COMMD1: variants seen among roughly 807,000 people sequenced by gnomAD.
COMMD1 encodes copper metabolism domain containing 1.
COMMD1 carries 10 observed loss-of-function variants against 17.2 expected under a neutral mutation model. The observed-to-expected ratio is 0.58, with a 90% CI of 0.36 to 0.99. COMMD1 has a LOEUF of 0.99. Ranked by LOEUF, COMMD1 falls within the 50% of genes least tolerant of loss-of-function variation. COMMD1 has a pLI of 0.01. For missense variants in COMMD1, 270 were observed against 231.8 expected (o/e 1.17, Z -1.07); for synonymous variants, 97 against 91.6 (o/e 1.06, Z -0.34).
At chr2:62,023,886 T>A (rs371751416) in intron 2 of COMMD1, among the ~76,000 whole-genome samples, 1 of 152,174 alleles carries the variant, frequency 6.6e-6, no homozygotes. Flanking sequence ...AATGGTTATA[T>A]CTACTCTATG....
chr2:61,915,767 A>G, intron 1 of COMMD1: 1 of 446,458 alleles, frequency 2.2e-6, no homozygotes, highest in Non-Finnish European at 4.5e-6. Context: ...AATTGCTGGG[A>G]TTACAGGTAT....
chr2:62,088,206 GC>G lies in COMMD1; in HGVS notation c.463-47623del, dbSNP rs1296059031. ...TACTTGTCTTATAAATATACTTCCAGCCTTAGCTTTCTTCTTTTTTCTCTGG... is the reference window on the plus strand; with the variant it reads ...TACTTGTCTTATAAATATACTTCCAGCTTAGCTTTCTTCTTTTTTCTCTGG... On this transcript the variant is annotated intron_variant, in intron 2 of 2. Coordinates refer to ENST00000311832, the MANE Select transcript of COMMD1 (RefSeq NM_152516.4). 2.6e-5 allele frequency among the ~76,000 whole-genome samples: 4 copies of G among 151,958 alleles called. No individual in the cohort carries two copies. In the South Asian group the frequency reaches 8.3e-4, roughly 32 times the overall value.
intron 2 of COMMD1, among the ~76,000 whole-genome samples, chr2:62,051,261 A>G (rs1670525456): frequency 6.6e-6 from 1 of 152,140 alleles, no homozygotes; most frequent in Admixed American, 6.5e-5. Flanking sequence ...AGGGGTTACT[A>G]TTATTATTTT....
At chr2:61,903,778 G>A (rs190256177), upstream of COMMD1, among the ~76,000 whole-genome samples, 50 of 152,078 alleles carry the variant, frequency 3.3e-4, no homozygotes, top group African/African-American at 9.6e-4. Flanking sequence ...CTGACCTCAG[G>A]TGATCCACCC....
chr2:62,038,766 C>G (rs1670107960), intron 2 of COMMD1, among the ~76,000 whole-genome samples: 5 of 152,106 alleles, frequency 3.3e-5, no homozygotes, highest in African/African-American at 2.4e-5. Flanking sequence ...CCAGGCTGAT[C>G]TTGAACTCCT....
intron 2 of COMMD1, among the ~76,000 whole-genome samples, chr2:62,097,788 C>T (rs760630725): frequency 3.9e-5 from 6 of 152,080 alleles, no homozygotes; most frequent in African/African-American, 1.2e-4. Flanking sequence ...GGATGAGGAC[C>T]GACAGTATAG....
At chr2:61,966,361 T>C (rs1431026483) in intron 1 of COMMD1, among the ~76,000 whole-genome samples, 3 of 152,234 alleles carry the variant, frequency 2.0e-5, no homozygotes, top group African/African-American at 4.8e-5. Flanking sequence ...AGTCTGTCCT[T>C]GGCCAGATTT....
chr2:62,013,551 A>G (rs547501676), intron 2 of COMMD1, among the ~76,000 whole-genome samples: 43 of 152,326 alleles, frequency 2.8e-4, no homozygotes, highest in African/African-American at 9.9e-4. Flanking sequence ...AAAAAGTGAA[A>G]GCAGGAGGCC....
At chr2:62,058,258 CTA>C (rs1670764283) in intron 2 of COMMD1, among the ~76,000 whole-genome samples, 1 of 152,184 alleles carries the variant, frequency 6.6e-6, no homozygotes, top group South Asian at 2.1e-4. Context: ...TTCACATGAT[CTA>C]TGTCCATACT....
chr2:61,926,392 A>G (rs1670330777), intron 1 of COMMD1, among the ~76,000 whole-genome samples: 1 of 152,194 alleles, frequency 6.6e-6, no homozygotes, highest in Non-Finnish European at 1.5e-5. Context: ...CTACAGTGGA[A>G]TATACTTTCA....
intron 2 of COMMD1, among the ~76,000 whole-genome samples, chr2:62,042,337 T>G (rs1670239236): frequency 1.3e-5 from 2 of 152,128 alleles, no homozygotes; most frequent in South Asian, 4.1e-4. Flanking sequence ...GAGTACTGAT[T>G]GGTGCATTTA....
At chr2:62,067,863 A>G (rs1671096793) in intron 2 of COMMD1, among the ~76,000 whole-genome samples, 1 of 152,126 alleles carries the variant, frequency 6.6e-6, no homozygotes, top group Non-Finnish European at 1.5e-5. Context: ...AGCTTAAAAT[A>G]CTCAGTATGC....
At chr2:62,050,494 T>C (rs1276972189) in intron 2 of COMMD1, among the ~76,000 whole-genome samples, 1 of 152,180 alleles carries the variant, frequency 6.6e-6, no homozygotes, top group Non-Finnish European at 1.5e-5. Context: ...TCATTTGCTT[T>C]TGTTAGGGAA....
chr2:61,938,386 G>C (rs1410606830), intron 1 of COMMD1, among the ~76,000 whole-genome samples: 1 of 152,078 alleles, frequency 6.6e-6, no homozygotes, highest in African/African-American at 2.4e-5. Context: ...AATACATTGC[G>C]TGTGTTCAGT....
intron 2 of COMMD1, among the ~76,000 whole-genome samples, chr2:62,071,647 G>T (rs2103961504): frequency 6.6e-6 from 1 of 151,960 alleles, no homozygotes; most frequent in African/African-American, 2.4e-5. Flanking sequence ...TTTTAAAAAA[G>T]AAAAAATAAT....
At chr2:61,944,057 C>T (rs1182692362) in intron 1 of COMMD1, among the ~76,000 whole-genome samples, 1 of 152,132 alleles carries the variant, frequency 6.6e-6, no homozygotes, top group Non-Finnish European at 1.5e-5. Flanking sequence ...GGAAACTCAG[C>T]CTGTCATCTA....
intron 1 of COMMD1, among the ~76,000 whole-genome samples, chr2:61,897,909 T>C (rs1435836526): frequency 6.6e-6 from 1 of 152,080 alleles, no homozygotes; most frequent in East Asian, 1.9e-4. Flanking sequence ...CATGCCTCCA[T>C]ATATAGGGAC....
intron 2 of COMMD1, among the ~76,000 whole-genome samples, chr2:62,023,254 A>G (rs1669660973): frequency 6.6e-6 from 1 of 152,130 alleles, no homozygotes; most frequent in South Asian, 2.1e-4. Flanking sequence ...TGAGAATGCA[A>G]ACACAAAATT....
At chr2:62,047,688 C>T (rs768409943) in intron 2 of COMMD1, among the ~76,000 whole-genome samples, 7 of 152,144 alleles carry the variant, frequency 4.6e-5, no homozygotes, top group Admixed American at 3.3e-4. Context: ...CTCCTGACCT[C>T]GTGATCCACT....
Sources: gnomAD v4.1 joint callset for allele counts (sites outside exome capture counted in the v4.1 genomes callset) on GRCh38, gnomAD v4.1.1 for gene constraint, MANE v1.5 for transcripts, NCBI Gene and HGNC (gene_info 2026-07-23, HGNC 2026-07-21) for gene names.